Variants in ME1 observed in about 807,000 individuals in gnomAD.
ME1 encodes the protein NADP-dependent malic enzyme.
In ME1, 74 loss-of-function variants were observed where a neutral mutation model predicts 66.4. That is an observed-to-expected ratio of 1.11 (90% CI 0.92 to 1.35). The LOEUF (loss-of-function observed/expected upper bound fraction) is 1.35. Among genes scored for constraint, ME1 ranks in the 40% most tolerant of loss-of-function variants. The pLI, the probability that ME1 is intolerant of heterozygous loss-of-function variation, is 0.00. For synonymous variants in ME1, 251 were observed against 235.6 expected (o/e 1.07, Z -0.60); for missense variants, 750 against 694.1 (o/e 1.08, Z -0.90).
At position 83,301,314 on chromosome 6, in the gene ME1, T is replaced by C. The variant is rs375087347; in HGVS notation, c.704+13996A>G. Among the ~76,000 whole-genome samples, 573 of 141,400 alleles carry C rather than the reference T, an allele frequency of 4.1e-3. 3 individuals are homozygous for C. The highest frequency in any genetic ancestry group is 5.5e-3 in the Non-Finnish European group (350 of 63,952). 92.8% of individuals were successfully genotyped at this position (141,400 alleles called of 152,430 possible). On this transcript the variant is annotated intron_variant, in intron 6 of 13. Coordinates refer to ENST00000369705, the MANE Select transcript of ME1 (RefSeq NM_002395.6). ...CTCCTTTCTTTCCTTCTTTCTTTCT[T>C]TCTCTCTCTCTCTCTCTCTCTCTCT...
chr6:83,216,679 T>G, intron 12 of ME1, 83 bp from the exon 13 acceptor site: 1 of 858,626 alleles, frequency 1.2e-6, no homozygotes, highest in South Asian at 1.5e-5. Context: ...AGTGAACGGT[T>G]ACATATAATG....
intron 6 of ME1, among the ~76,000 whole-genome samples, chr6:83,300,616 T>C (rs1420900066): frequency 1.4e-5 from 2 of 140,976 alleles, no homozygotes; most frequent in African/African-American, 5.3e-5. Context: ...CTTTCTTTTT[T>C]TTTTTTTTTT....
chr6:83,421,095 A>G (rs1770257515), intron 1 of ME1, among the ~76,000 whole-genome samples: 1 of 152,218 alleles, frequency 6.6e-6, no homozygotes, highest in Admixed American at 6.5e-5. Context: ...TCTCCTTCAC[A>G]GCACAAAAAG....
At chr6:83,229,611 A>G (rs1263248469) in intron 9 of ME1, among the ~76,000 whole-genome samples, 1 of 152,198 alleles carries the variant, frequency 6.6e-6, no homozygotes. Context: ...CAGGACAAGT[A>G]TAAGTATAGT....
intron 3 of ME1, among the ~76,000 whole-genome samples, chr6:83,359,161 G>GAT: frequency 6.6e-6 from 1 of 151,884 alleles, no homozygotes; most frequent in African/African-American, 2.4e-5. Context: ...TCCCAGACAG[G>GAT]GTGGTCGGGC....
intron 3 of ME1, among the ~76,000 whole-genome samples, chr6:83,376,347 T>C (rs979463501): frequency 6.6e-6 from 1 of 151,800 alleles, no homozygotes; most frequent in Non-Finnish European, 1.5e-5. Context: ...AATGCAAAAT[T>C]AGCTAGGTGT....
chr6:83,258,435 T>C (rs1766821555), intron 6 of ME1, among the ~76,000 whole-genome samples: 1 of 152,188 alleles, frequency 6.6e-6, no homozygotes, highest in African/African-American at 2.4e-5. Context: ...AGTGGAACAC[T>C]GAGAAGTTAG....
chr6:83,300,610 C>CTTTCT (rs1767696430), intron 6 of ME1, among the ~76,000 whole-genome samples: 2 of 84,990 alleles, frequency 2.4e-5, no homozygotes, highest in African/African-American at 9.3e-5. Context: ...TTCTTTCTTT[C>CTTTCT]TTTTTTTTTT....
chr6:83,421,575 CA>C (rs1479868836), intron 1 of ME1, among the ~76,000 whole-genome samples: 1 of 152,168 alleles, frequency 6.6e-6, no homozygotes, highest in East Asian at 1.9e-4. Flanking sequence ...AGTTTCCTGG[CA>C]TTTTTTCCTC....
At chr6:83,267,020 T>C (rs1767001318) in intron 6 of ME1, among the ~76,000 whole-genome samples, 1 of 152,160 alleles carries the variant, frequency 6.6e-6, no homozygotes, top group African/African-American at 2.4e-5. Flanking sequence ...CTCTGCAAAA[T>C]TGACAAATTT....
chr6:83,223,932 C>T lies in ME1; in HGVS notation c.1277G>A (p.Gly426Glu), dbSNP rs771365516. 2 of 1,613,374 alleles carry T rather than the reference C, an allele frequency of 1.2e-6. No homozygotes were observed. The highest frequency in any genetic ancestry group is 1.3e-5 in the African/African-American group (1 of 75,002). Residue 426 changes from glycine to glutamate, a missense_variant and splice_region_variant, in exon 12 of 14, where the codon GGA becomes GAA. Gly to Glu is a moderately conservative substitution (Grantham distance 98). Transcript: ENST00000369705. The part of the protein sequence containing the change: ...SAEQCYKITK[G>E]RAIFASGSPF... ...ACTGCCACTGGCAAAAATTGCACGT[C>T]CCTACAACAAAGACACATACAACTC... is the stretch of plus-strand genomic sequence containing the variant.
intron 3 of ME1, among the ~76,000 whole-genome samples, chr6:83,368,716 C>T (rs1169582769): frequency 1.3e-5 from 2 of 151,928 alleles, no homozygotes; most frequent in East Asian, 3.8e-4. Context: ...TATTTTTTGG[C>T]TTCTTATTAA....
intron 7 of ME1, among the ~76,000 whole-genome samples, chr6:83,247,609 T>A (rs900163885): frequency 2.0e-5 from 3 of 152,056 alleles, no homozygotes; most frequent in Non-Finnish European, 4.4e-5. Context: ...AATGGTTAGA[T>A]AATTATTTTT....
chr6:83,264,334 G>C (rs1316965163), intron 6 of ME1, among the ~76,000 whole-genome samples: 1 of 152,116 alleles, frequency 6.6e-6, no homozygotes, highest in African/African-American at 2.4e-5. Context: ...AGCTCTGATG[G>C]AGCTGTACTA....
intron 12 of ME1, among the ~76,000 whole-genome samples, chr6:83,217,807 G>A (rs186788403): frequency 3.3e-5 from 5 of 152,202 alleles, no homozygotes; most frequent in African/African-American, 1.2e-4. Flanking sequence ...TCCTGACCTG[G>A]GGGAGCAGAG....
intron 6 of ME1, among the ~76,000 whole-genome samples, chr6:83,277,928 T>TA (rs1767218494): frequency 6.6e-6 from 1 of 150,534 alleles, no homozygotes; most frequent in Admixed American, 6.6e-5. Context: ...ATAATAATAA[T>TA]ATTTGGAATT....
intron 6 of ME1, among the ~76,000 whole-genome samples, chr6:83,257,678 T>A (rs955090440): frequency 1.3e-5 from 2 of 152,186 alleles, no homozygotes; most frequent in African/African-American, 4.8e-5. Context: ...ACTGGTAAAA[T>A]CATTTCTATG....
chr6:83,375,476 G>A (rs60465537), intron 3 of ME1, among the ~76,000 whole-genome samples: 3,319 of 152,220 alleles, frequency 0.022, 152 homozygotes, highest in East Asian at 0.15. Flanking sequence ...TTGCTTACCA[G>A]CTTAAGGAAC....
At chr6:83,373,330 G>A (rs1460867255) in intron 3 of ME1, among the ~76,000 whole-genome samples, 3 of 151,996 alleles carry the variant, frequency 2.0e-5, no homozygotes, top group Non-Finnish European at 4.4e-5. Context: ...GTACCTCCCG[G>A]GTTTAAGCGA....
Sources: allele counts gnomAD v4.1 joint callset (sites outside exome capture counted in the v4.1 genomes callset), GRCh38; gene constraint gnomAD v4.1.1; transcripts MANE v1.5; gene names NCBI Gene and HGNC (gene_info 2026-07-23, HGNC 2026-07-21).